Variants in MARCHF8 observed in about 807,000 individuals in gnomAD.
The protein encoded by MARCHF8 is E3 ubiquitin-protein ligase MARCHF8.
In MARCHF8, 40 loss-of-function variants were observed where a neutral mutation model predicts 51.6. The observed-to-expected ratio is 0.77, with a 90% confidence interval of 0.60 to 1.01. The LOEUF is 1.01. MARCHF8 is among the 50% of genes least tolerant of loss of function. The probability of loss-of-function intolerance (pLI) is 0.00; values close to 1 mark genes in which losing one functional copy is unlikely to be tolerated. For synonymous variants in MARCHF8, 263 were observed against 280.3 expected (o/e 0.94, Z 0.62); for missense variants, 685 against 708.6 (o/e 0.97, Z 0.38).
At chr10:45,490,397 G>A (rs1294440190) in intron 2 of MARCHF8, among the ~76,000 whole-genome samples, 2 of 152,200 alleles carry the variant, frequency 1.3e-5, no homozygotes, top group African/African-American at 4.8e-5. Flanking sequence ...AATAAGAGGA[G>A]TTTGTGACAC....
At chr10:45,593,370 A>G (rs2044702632) in intron 1 of MARCHF8, 1 of 152,258 alleles carries the variant, frequency 6.6e-6, no homozygotes, top group South Asian at 2.1e-4. Flanking sequence ...CATACTGTTT[A>G]TATTTTCACT....
intron 1 of MARCHF8, among the ~76,000 whole-genome samples, chr10:45,588,803 C>T (rs1372993622): frequency 6.6e-6 from 1 of 151,946 alleles, no homozygotes; most frequent in Non-Finnish European, 1.5e-5. Context: ...TCGAGACCAT[C>T]CTGGCTAACA....
intron 3 of MARCHF8, among the ~76,000 whole-genome samples, chr10:45,475,866 A>ATGTCCTT (rs1322084650): frequency 1.6e-4 from 24 of 152,186 alleles, no homozygotes; most frequent in African/African-American, 5.6e-4. Context: ...ACTGGGACCA[A>ATGTCCTT]GGACAGGCCA....
intron 2 of MARCHF8, among the ~76,000 whole-genome samples, chr10:45,522,832 A>G (rs1227208387): frequency 6.6e-6 from 1 of 152,220 alleles, no homozygotes; most frequent in Non-Finnish European, 1.5e-5. Flanking sequence ...TTCATTCCCT[A>G]TGCAAAAGTG....
intron 2 of MARCHF8, among the ~76,000 whole-genome samples, chr10:45,498,939 G>A (rs1465931016): frequency 1.3e-5 from 2 of 152,176 alleles, no homozygotes; most frequent in African/African-American, 4.8e-5. Flanking sequence ...TTTGAGACCT[G>A]GCTTTTAATT....
At chr10:45,578,111 T>C (rs1196631497) in intron 1 of MARCHF8, among the ~76,000 whole-genome samples, 1 of 152,112 alleles carries the variant, frequency 6.6e-6, no homozygotes, top group Non-Finnish European at 1.5e-5. Flanking sequence ...GGCCACTGAG[T>C]AGGCCTAGAA....
Position 45,491,416 on chromosome 10 carries a change from T to A in MARCHF8, c.103-1999A>T, listed in dbSNP as rs1037323436. Among the ~76,000 whole-genome samples, 4 of 152,110 alleles carry A rather than the reference T, an allele frequency of 2.6e-5. No individual in the cohort carries two copies. The South Asian group carries it at 8.3e-4, about 32-fold the overall frequency. ...AGCCGGGCATGGTGGCACGTGCCTA[T>A]AATCCCAACTACTCCGGAGGCTGAG... is the stretch of plus-strand genomic sequence containing the variant. On this transcript the variant is annotated intron_variant, in intron 2 of 7. Transcript: ENST00000453424.
chr10:45,472,051 G>A (rs549321284), intron 3 of MARCHF8, among the ~76,000 whole-genome samples: 5 of 152,296 alleles, frequency 3.3e-5, no homozygotes, highest in South Asian at 4.2e-4. Context: ...CCTGAGCCGC[G>A]GAGTATACTA....
chr10:45,548,353 G>A (rs1367296067), intron 1 of MARCHF8, among the ~76,000 whole-genome samples: 1 of 152,164 alleles, frequency 6.6e-6, no homozygotes, highest in Non-Finnish European at 1.5e-5. Flanking sequence ...TGCTAATGTG[G>A]GGCAGGCAGG....
chr10:45,523,171 A>G (rs1268995881), intron 2 of MARCHF8, among the ~76,000 whole-genome samples: 2 of 152,242 alleles, frequency 1.3e-5, no homozygotes, highest in African/African-American at 4.8e-5. Context: ...ATCAAAAGCC[A>G]TTAACAACGA....
intron 1 of MARCHF8, among the ~76,000 whole-genome samples, chr10:45,542,118 G>A (rs1052904120): frequency 1.6e-4 from 25 of 152,270 alleles, no homozygotes; most frequent in Middle Eastern, 3.4e-3. Context: ...GGCTGAGGCA[G>A]GCAGATCACG....
intron 3 of MARCHF8, among the ~76,000 whole-genome samples, chr10:45,488,187 C>T (rs910463922): frequency 1.3e-5 from 2 of 152,100 alleles, no homozygotes; most frequent in Non-Finnish European, 2.9e-5. Context: ...TTCCCAAGCC[C>T]TCCTTTCCCT....
intron 1 of MARCHF8, among the ~76,000 whole-genome samples, chr10:45,557,776 A>G (rs539477017): frequency 6.6e-6 from 1 of 152,314 alleles, no homozygotes; most frequent in East Asian, 1.9e-4. Context: ...CCATGTCTGC[A>G]TTTAACAAAG....
rs139205155 is a variant in MARCHF8, at chr10:45,564,249, G to A, written c.-79+29986C>T. ...AGATTGTGCCACTGCACTCCAGCCT[G>A]GGCAACAGAGTGAGACTCCGTCTCA... On this transcript the variant is annotated intron_variant, in intron 1 of 6. Coordinates refer to the MARCHF8 transcript ENST00000319836. 4.4e-3 allele frequency among the ~76,000 whole-genome samples: 670 copies of A among 152,252 alleles called. 4 individuals carry two copies. The highest frequency in any genetic ancestry group is 0.015 in the African/African-American group (639 of 41,546).
chr10:45,505,122 A>C (rs953592668), intron 2 of MARCHF8, among the ~76,000 whole-genome samples: 1 of 152,226 alleles, frequency 6.6e-6, no homozygotes, highest in African/African-American at 2.4e-5. Context: ...AGAAAGAAGG[A>C]TTGCCTACTT....
intron 1 of MARCHF8, among the ~76,000 whole-genome samples, chr10:45,557,525 A>T (rs918884064): frequency 1.3e-5 from 2 of 152,038 alleles, no homozygotes. Flanking sequence ...TTTTCTGACA[A>T]TATACATTGT....
chr10:45,522,930 C>T (rs1295984729), intron 2 of MARCHF8, among the ~76,000 whole-genome samples: 1 of 152,136 alleles, frequency 6.6e-6, no homozygotes, highest in Non-Finnish European at 1.5e-5. Context: ...GCTATAATTG[C>T]ACCCCTGCAC....
chr10:45,497,377 C>T (rs1369854305), intron 2 of MARCHF8, among the ~76,000 whole-genome samples: 1 of 152,108 alleles, frequency 6.6e-6, no homozygotes, highest in African/African-American at 2.4e-5. Flanking sequence ...CTGCTTTCAA[C>T]AATGAACAGC....
chr10:45,536,350 T>G (rs2043969977), upstream of MARCHF8, among the ~76,000 whole-genome samples: 1 of 151,844 alleles, frequency 6.6e-6, no homozygotes, highest in Admixed American at 6.6e-5. Flanking sequence ...GATAGCCACA[T>G]GCAAAAGAAA....
Sources: gnomAD v4.1 joint callset for allele counts (sites outside exome capture counted in the v4.1 genomes callset) on GRCh38, gnomAD v4.1.1 for gene constraint, MANE v1.5 for transcripts, NCBI Gene and HGNC (gene_info 2026-07-23, HGNC 2026-07-21) for gene names.